ABR: variants seen among roughly 807,000 people sequenced by gnomAD.
The protein encoded by ABR is active breakpoint cluster region-related protein.
Under a neutral mutation model 107.2 loss-of-function variants are expected in ABR, and 35 were observed. The ratio of observed to expected loss-of-function variants is 0.33; its 90% confidence interval spans 0.25 to 0.43. The LOEUF (loss-of-function observed/expected upper bound fraction) is 0.43. ABR is among the 20% of genes least tolerant of loss of function. The pLI is 1.00. For synonymous variants in ABR, 498 were observed against 462.0 expected (o/e 1.08, Z -1.00); for missense variants, 815 against 1,115.2 (o/e 0.73, Z 3.83).
At position 1,010,722 on chromosome 17, in the gene ABR, G is replaced by A; in HGVS notation, c.2236+7C>T. The A allele has an allele frequency of 6.2e-7, 1 of 1,613,320 alleles. No homozygotes were observed. The highest frequency in any genetic ancestry group is 8.5e-7 in the Non-Finnish European group (1 of 1,179,964). ...CAGCCCAGTCCTAGGAGCCCTCAGG[G>A]CCTCACCGATGCCCTCCATGAAGGC... On this transcript the variant is annotated splice_region_variant and intron_variant, in intron 20 of 22. Transcript: ENST00000302538. The surrounding 1 kb of genome is among the most constrained non-coding windows in gnomAD (Gnocchi z 4.1).
intron 4 of ABR, among the ~76,000 whole-genome samples, chr17:1,091,060 C>G (rs1004215949): frequency 6.6e-6 from 1 of 152,222 alleles, no homozygotes; most frequent in Non-Finnish European, 1.5e-5. Flanking sequence ...GCTCCCGACC[C>G]TGCAGTGGTG....
chr17:1,007,664 T>C (rs759788426), intron 21 of ABR, among the ~76,000 whole-genome samples: 4 of 152,192 alleles, frequency 2.6e-5, no homozygotes, highest in African/African-American at 9.7e-5. Flanking sequence ...CGCAGTCCTT[T>C]GAGGTAAATA....
chr17:1,180,778 C>A (rs546214282), upstream of ABR, among the ~76,000 whole-genome samples: 1 of 152,230 alleles, frequency 6.6e-6, no homozygotes, highest in Admixed American at 6.5e-5. Flanking sequence ...AAGACCCCCT[C>A]GCCCAAGGGC....
At chr17:1,226,726 AGT>A (rs963368102) in intron 1 of ABR, among the ~76,000 whole-genome samples, 3 of 145,858 alleles carry the variant, frequency 2.1e-5, no homozygotes, top group East Asian at 2.0e-4. Context: ...TGTATGTGGC[AGT>A]GTGTCACGTA....
chr17:1,129,718 G>A (rs2039745015), intron 1 of ABR, among the ~76,000 whole-genome samples: 1 of 152,168 alleles, frequency 6.6e-6, no homozygotes, highest in Admixed American at 6.5e-5. Flanking sequence ...GGAGGCCGAG[G>A]CAGGTGGATC....
At chr17:1,054,532 G>T (rs78966179) in intron 14 of ABR, among the ~76,000 whole-genome samples, 733 of 11,810 alleles carry the variant, frequency 0.062, 24 homozygotes, top group African/African-American at 0.16. Flanking sequence ...GGGGATGGGG[G>T]CACAAAGAAC....
chr17:1,079,514 T>A, intron 5 of ABR, 124 bp from the exon 6 acceptor site: 1 of 913,528 alleles, frequency 1.1e-6, no homozygotes. Context: ...AGAGGCCGGG[T>A]GTGGCGGCTC....
In ABR at chr17:1,179,643, C is replaced by T. The variant is rs1401653804; in HGVS notation, c.61+24G>A. The T allele has an allele frequency of 3.3e-6, 5 of 1,513,616 alleles. No individual in the cohort carries two copies. Among genetic ancestry groups the T allele is most frequent in the Non-Finnish European group, 4.4e-6 (5 of 1,129,896 alleles). The allele number at this position is 1,513,616 out of a possible 1,614,324, so 93.8% of individuals were successfully genotyped here. On this transcript the variant is annotated intron_variant, in intron 1 of 22. Coordinates refer to ENST00000302538, the MANE Select transcript of ABR (RefSeq NM_021962.5). The surrounding 1 kb of genome is among the most constrained non-coding windows in gnomAD (Gnocchi z 4.9). ...GGGGTCCCGATCCCGATCCTGGGGT[C>T]CCGCCCCCGCCCGGCACACGTACTG...
Position 1,010,668 on chromosome 17 carries a change from C to A in ABR, c.2236+61G>T. 4 of 1,586,250 alleles carry A rather than the reference C, an allele frequency of 2.5e-6. No individual in the cohort carries two copies. Among genetic ancestry groups the A allele is most frequent in the Non-Finnish European group, 2.6e-6 (3 of 1,164,806 alleles). ...ATATTTCTCCTGCTGGTTACTTCTC[C>A]GGGCAGGGAGTCCTGGCTCAGTCTG... On this transcript the variant is annotated intron_variant, in intron 20 of 22. Transcript: ENST00000302538. This position sits in a 1 kb window ranked among gnomAD's most constrained non-coding sequence, Gnocchi z 4.1.
intron 1 of ABR, among the ~76,000 whole-genome samples, chr17:1,169,992 TTG>T (rs1236679473): frequency 3.8e-5 from 5 of 132,478 alleles, no homozygotes; most frequent in Admixed American, 1.5e-4. Context: ...GTGTTTGTGT[TTG>T]TGTGTGTGTG....
intron 16 of ABR, among the ~76,000 whole-genome samples, chr17:1,039,932 G>C (rs2030045378): frequency 6.6e-6 from 1 of 152,184 alleles, no homozygotes; most frequent in South Asian, 2.1e-4. Flanking sequence ...GGGGCTGTGA[G>C]TGCCAGGGCA....
At chr17:1,058,919 C>T (rs1481004589) in intron 10 of ABR, 52 bp from the exon 11 acceptor site, 16 of 1,607,860 alleles carry the variant, frequency 1.0e-5, no homozygotes, top group African/African-American at 2.7e-5. Context: ...GCCTTTCTCA[C>T]GAGCAGCACT....
intron 10 of ABR, among the ~76,000 whole-genome samples, chr17:1,063,639 C>T (rs149863718): frequency 0.17 from 4,557 of 27,554 alleles, no homozygotes; most frequent in East Asian, 0.42. Flanking sequence ...TTCCTCTAGA[C>T]GCTGCTGTTA....
chr17:1,179,885 G>T lies in ABR; in HGVS notation c.-158C>A. 1 of 686,548 alleles carries T rather than the reference G, an allele frequency of 1.5e-6. No homozygotes were observed. 42.5% of individuals were successfully genotyped at this position (686,548 alleles called of 1,614,324 possible). On this transcript the variant is annotated 5_prime_UTR_variant, in exon 1 of 23. The change creates a new upstream start codon in the 5' untranslated region. Coordinates refer to ENST00000302538, the MANE Select transcript of ABR (RefSeq NM_021962.5). The surrounding 1 kb of genome is among the most constrained non-coding windows in gnomAD (Gnocchi z 4.9). ...GGAGGAGCGCGGGGCGGCCGGGGCA[G>T]GGGCGAGGGCGGGGCGGGAGCCCCC... is the stretch of plus-strand genomic sequence containing the variant.
At position 1,050,256 on chromosome 17, in the gene ABR, A is replaced by G; in HGVS notation, c.1660-75T>C. On this transcript the variant is annotated intron_variant, in intron 15 of 22. Transcript: ENST00000302538. This position sits in a 1 kb window ranked among gnomAD's most constrained non-coding sequence, Gnocchi z 4.6. The stretch of plus-strand genomic sequence containing the variant: ...TGGCTTTCCGGCAGGTGCGTGCCTC[A>G]GCTTTGCAAGGAGGAGGGAGTAAGC... 2 of 1,539,146 alleles carry G rather than the reference A, an allele frequency of 1.3e-6. No individual in the cohort carries two copies. The highest frequency in any genetic ancestry group is 2.2e-5 in the East Asian group (1 of 44,506).
Position 1,169,502 on chromosome 17 carries a change from G to A in ABR, c.61+10165C>T, listed in dbSNP as rs544543498. On this transcript the variant is annotated intron_variant, in intron 1 of 22. Coordinates refer to ENST00000302538, the MANE Select transcript of ABR (RefSeq NM_021962.5). Reference sequence around the variant, plus strand: ...CTGGCCAGAATCCAGAGCTACAGAAGGGTCTGGCTTGATTTGAAGTCCCAG... The same window carrying A: ...CTGGCCAGAATCCAGAGCTACAGAAAGGTCTGGCTTGATTTGAAGTCCCAG... Among the ~76,000 whole-genome samples, 40 of 152,326 alleles carry A rather than the reference G, an allele frequency of 2.6e-4. 2 individuals are homozygous for A. The South Asian group carries it at 8.1e-3, about 31-fold the overall frequency.
intron 16 of ABR, among the ~76,000 whole-genome samples, chr17:1,027,000 C>A (rs1281177085): frequency 1.3e-5 from 2 of 151,460 alleles, no homozygotes; most frequent in Admixed American, 6.6e-5. Context: ...ATGCCTGGGG[C>A]AGCTCCCCCA....
rs200788876 is a variant in ABR at position 1,058,731 on chromosome 17, C to A, written c.1305+14G>T. 1 of 1,613,684 alleles carries A rather than the reference C, an allele frequency of 6.2e-7. No homozygotes were observed. On this transcript the variant is annotated intron_variant, in intron 11 of 22. Transcript: ENST00000302538. ...GGAAGGGGCTGTCTTGGTCCCACCC[C>A]CACCCATCCTGACCTTTCCATTCCG...
intron 3 of ABR, among the ~76,000 whole-genome samples, chr17:1,100,188 C>CTCAGGATG (rs1226778706): frequency 3.3e-5 from 5 of 151,848 alleles, no homozygotes; most frequent in African/African-American, 4.8e-5. Flanking sequence ...GACACGGGGC[C>CTCAGGATG]TCAGGATGGC....
Sources: gnomAD v4.1 joint callset for allele counts (sites outside exome capture counted in the v4.1 genomes callset) on GRCh38, gnomAD v4.1.1 for gene constraint, Gnocchi (gnomAD v3.1) non-coding constraint, MANE v1.5 for transcripts, NCBI Gene and HGNC (gene_info 2026-07-23, HGNC 2026-07-21) for gene names.